EPB41: variants seen among roughly 807,000 people sequenced by gnomAD.
The protein encoded by EPB41 is erythrocyte membrane protein band 4.1.
In EPB41, 65 loss-of-function variants were observed where a neutral mutation model predicts 108.0. The observed-to-expected ratio is 0.60, with a 90% confidence interval of 0.49 to 0.74. The LOEUF (loss-of-function observed/expected upper bound fraction) is 0.74, where lower values mean the gene tolerates loss of function less well. Ranked by LOEUF, EPB41 falls within the 30% of genes least tolerant of loss-of-function variation. The pLI is 0.00. For missense variants in EPB41, 875 were observed against 1,037.0 expected (o/e 0.84, Z 2.15); for synonymous variants, 336 against 358.9 (o/e 0.94, Z 0.72).
At chr1:29,053,454 C>A in intron 12 of EPB41, 142 bp downstream of exon 12, 1 of 903,854 alleles carries the variant, frequency 1.1e-6, no homozygotes, top group Non-Finnish European at 1.8e-6. Context: ...ATGAAGATGT[C>A]TCCCATGAAC....
intron 1 of EPB41, chr1:28,891,070 G>T (rs1238986018): frequency 1.2e-6 from 1 of 857,710 alleles, no homozygotes; most frequent in East Asian, 1.2e-4. Context: ...CCCACTAGGG[G>T]TTTCCCCAGA....
chr1:28,890,935 G>T, intron 1 of EPB41: 2 of 985,456 alleles, frequency 2.0e-6, no homozygotes, highest in Middle Eastern at 5.2e-4. Context: ...CTGGAGCAAA[G>T]CTCTGAGCTC....
At chr1:29,046,083 C>T (rs1317082931) in intron 11 of EPB41, among the ~76,000 whole-genome samples, 1 of 151,420 alleles carries the variant, frequency 6.6e-6, no homozygotes, top group Non-Finnish European at 1.5e-5. Context: ...TCTAGTTTGA[C>T]CTTATACTCA....
chr1:29,089,404 A>G (rs535734896), intron 16 of EPB41, among the ~76,000 whole-genome samples: 3 of 152,220 alleles, frequency 2.0e-5, no homozygotes, highest in African/African-American at 7.2e-5. Flanking sequence ...CATCTATTAC[A>G]TACCAAAAAC....
intron 1 of EPB41, among the ~76,000 whole-genome samples, chr1:28,931,312 C>T (rs2093728025): frequency 6.9e-6 from 1 of 145,278 alleles, no homozygotes; most frequent in Non-Finnish European, 1.5e-5. Flanking sequence ...GTGGGAGGGT[C>T]ACTTGAGCTT....
At position 28,932,367 on chromosome 1, in the gene EPB41, C is replaced by T. The variant is rs562373558; in HGVS notation, c.-8+17599C>T. 4.0e-5 allele frequency among the ~76,000 whole-genome samples: 6 copies of T among 149,806 alleles called. No individual in the cohort carries two copies. The East Asian group carries it at 1.0e-3, about 25-fold the overall frequency. ...CGAACTCTTGACCTCAGGTGATCCA[C>T]TCTCCTTGGCCTCCCAAAGTGCTGG... is the stretch of plus-strand genomic sequence containing the variant. On this transcript the variant is annotated intron_variant, in intron 1 of 20. Transcript: ENST00000343067.
Position 28,926,292 on chromosome 1 carries a change from AC to A in EPB41, c.-8+11525del, listed in dbSNP as rs532101977. Reference sequence around the variant, plus strand: ...AATCATTCTGTAATGTAGGTATGATACAAATACATATCTTTTAAGGTTATTT... The same window carrying A: ...AATCATTCTGTAATGTAGGTATGATAAAATACATATCTTTTAAGGTTATTT... On this transcript the variant is annotated intron_variant, in intron 1 of 20. Transcript: ENST00000343067. Among the ~76,000 whole-genome samples, 656 of 152,338 alleles carry A rather than the reference AC, an allele frequency of 4.3e-3. 6 individuals are homozygous for A. The highest frequency in any genetic ancestry group is 0.013 in the South Asian group (63 of 4,830).
At chr1:28,908,219 T>C (rs1472361521) in intron 1 of EPB41, among the ~76,000 whole-genome samples, 2 of 151,328 alleles carry the variant, frequency 1.3e-5, no homozygotes, top group Non-Finnish European at 1.5e-5. Context: ...CTGGCCAAGA[T>C]AGAGAAGCCC....
intron 9 of EPB41, among the ~76,000 whole-genome samples, chr1:29,034,880 A>G (rs1638779176): frequency 6.6e-6 from 1 of 152,108 alleles, no homozygotes; most frequent in Non-Finnish European, 1.5e-5. Flanking sequence ...TCACCACAAA[A>G]AAATAATAAG....
chr1:28,919,951 C>T (rs143333297), intron 1 of EPB41, among the ~76,000 whole-genome samples: 141 of 152,250 alleles, frequency 9.3e-4, no homozygotes, highest in African/African-American at 2.9e-3. Context: ...CTCCCTCTTC[C>T]GTAGCTGATG....
chr1:28,935,927 A>G (rs577646595), intron 1 of EPB41, among the ~76,000 whole-genome samples: 1 of 152,240 alleles, frequency 6.6e-6, no homozygotes, highest in South Asian at 2.1e-4. Context: ...CAAAAAAAAA[A>G]AAAAAAAGTT....
intron 6 of EPB41, among the ~76,000 whole-genome samples, chr1:29,017,247 TA>T (rs1308993702): frequency 6.6e-6 from 1 of 152,184 alleles, no homozygotes; most frequent in Non-Finnish European, 1.5e-5. Context: ...TTCTGACATT[TA>T]AAAAAATGTA....
At chr1:28,921,014 C>A (rs1463182801) in intron 1 of EPB41, among the ~76,000 whole-genome samples, 1 of 152,178 alleles carries the variant, frequency 6.6e-6, no homozygotes, top group African/African-American at 2.4e-5. Context: ...AGTGATCCTC[C>A]TGTCTCAGCC....
Position 28,997,371 on chromosome 1 carries a change from C to A in EPB41, c.786+52C>A, listed in dbSNP as rs377672093. ...AGCTGACAAAAAATTTATTTTAATTCTTTTGTTGTTAAGAATGTATCTATA... is the reference window on the plus strand; with the variant it reads ...AGCTGACAAAAAATTTATTTTAATTATTTTGTTGTTAAGAATGTATCTATA... On this transcript the variant is annotated intron_variant, in intron 4 of 20. Coordinates refer to ENST00000343067, the MANE Select transcript of EPB41 (RefSeq NM_001376013.1). The A allele has an allele frequency of 2.2e-5, 25 of 1,121,718 alleles. No individual in the cohort carries two copies. In the African/African-American group the frequency reaches 3.1e-4, roughly 14 times the overall value. The allele number at this position is 1,121,718 out of a possible 1,614,324, so 69.5% of individuals were successfully genotyped here.
chr1:29,106,564 A>AATTTTTTTTTTTTTTTTTTTTTTTTTTT (rs1233211329), intron 17 of EPB41, among the ~76,000 whole-genome samples: 2 of 50,882 alleles, frequency 3.9e-5, no homozygotes, highest in African/African-American at 8.5e-5. Context: ...AGTAGCTGGG[A>AATTTTTTTTTTTTTTTTTTTTTTTTTTT]TTTTTTTTTT....
At chr1:29,114,205 G>A (rs1273152549) in intron 19 of EPB41, among the ~76,000 whole-genome samples, 5 of 152,138 alleles carry the variant, frequency 3.3e-5, no homozygotes, top group Non-Finnish European at 7.4e-5. Context: ...AAAGAGGATG[G>A]TGTTTTTGCT....
At chr1:28,982,305 C>G in intron 1 of EPB41, 1 of 590,806 alleles carries the variant, frequency 1.7e-6, no homozygotes, top group South Asian at 1.5e-5. Flanking sequence ...GGAAGAACTA[C>G]TTGTTCTTGC....
At chr1:29,110,979 C>T (rs1211740499) in intron 18 of EPB41, among the ~76,000 whole-genome samples, 1 of 151,858 alleles carries the variant, frequency 6.6e-6, no homozygotes, top group East Asian at 1.9e-4. Context: ...CCAGCCTGGC[C>T]AACATGGCGA....
chr1:28,889,757 G>A (rs2089895902), intron 1 of EPB41: 2 of 972,828 alleles, frequency 2.1e-6, no homozygotes, highest in South Asian at 4.8e-5. Context: ...TCCTGGAGAG[G>A]AATCCTGAGC....
Sources: allele counts gnomAD v4.1 joint callset (sites outside exome capture counted in the v4.1 genomes callset), GRCh38; gene constraint gnomAD v4.1.1; transcripts MANE v1.5; gene names NCBI Gene and HGNC (gene_info 2026-07-23, HGNC 2026-07-21).